The following KLHL24 variants were observed in gnomAD, a reference collection of about 807,000 sequenced individuals.
KLHL24 encodes the protein kelch like family member 24, also known as kelch-like protein 24.
A neutral mutation model predicts 53.4 loss-of-function variants in KLHL24; 29 were observed. The observed-to-expected ratio is 0.54, with a 90% CI of 0.40 to 0.74. The LOEUF is 0.74. KLHL24 is among the 30% of genes least tolerant of loss of function. The probability of loss-of-function intolerance (pLI) is 0.00; values close to 1 mark genes in which losing one functional copy is unlikely to be tolerated. For missense variants in KLHL24, 504 were observed against 744.0 expected (o/e 0.68, Z 3.75); for synonymous variants, 222 against 253.7 (o/e 0.88, Z 1.19).
At chr3:183,636,663 G>A (rs1308249154) in intron 1 of KLHL24, 1 of 152,426 alleles carries the variant, frequency 6.6e-6, no homozygotes, top group Non-Finnish European at 1.5e-5. Context: ...GTACCCGAGG[G>A]AGAGTTCGAG....
rs1348545765 is a variant in KLHL24, at chr3:183,672,309, A to G, written c.1427A>G (p.Asp476Gly). ...NTCSDKVQSY[D>G]PETNSWLLRA... ...ATATGTTATTAGGTTCAATCTTATG[A>G]TCCAGAAACCAATTCTTGGCTACTT... Residue 476 changes from aspartate (D) to glycine (G), a missense_variant, in exon 7 of 8, where the codon GAT becomes GGT. Coordinates refer to ENST00000242810, the MANE Select transcript of KLHL24 (RefSeq NM_017644.3). 4 of 1,584,592 alleles carry G rather than the reference A, an allele frequency of 2.5e-6. No homozygotes were observed. Among genetic ancestry groups the G allele is most frequent in the African/African-American group, 1.3e-5 (1 of 74,296 alleles).
chr3:183,668,533 G>A (rs945520781), intron 5 of KLHL24, among the ~76,000 whole-genome samples: 9 of 152,178 alleles, frequency 5.9e-5, no homozygotes, highest in African/African-American at 2.2e-4. Context: ...GGAAACCTGG[G>A]ATGGTTTAGA....
At chr3:183,637,301 C>CTT (rs1715460923) in intron 1 of KLHL24, among the ~76,000 whole-genome samples, 1 of 152,126 alleles carries the variant, frequency 6.6e-6, no homozygotes, top group African/African-American at 2.4e-5. Flanking sequence ...GATTTAAAAG[C>CTT]AGATTTCTAC....
In KLHL24 at chr3:183,650,769, A is replaced by G. The variant is rs1718007972; in HGVS notation, c.413A>G (p.Tyr138Cys). The change falls in exon 3 of 8, where the codon TAT (tyrosine) becomes TGT (cysteine). Residue 138 changes from tyrosine (Y) to cysteine (C), a missense_variant. By Grantham distance (194) the Tyr-to-Cys change is radical. Coordinates refer to ENST00000242810, the MANE Select transcript of KLHL24 (RefSeq NM_017644.3). The surrounding 1 kb of genome is among the most constrained non-coding windows in gnomAD (Gnocchi z 4.5). ...KVKITTENVQYLFETSSLFQI... is the reference protein window; with the variant it reads ...KVKITTENVQCLFETSSLFQI... ...AAGATCACTACAGAGAATGTACAGT[A>G]TCTCTTTGAGACATCAAGCCTCTTT... 1 of 1,613,942 alleles carries G rather than the reference A, an allele frequency of 6.2e-7. No individual in the cohort carries two copies. The highest frequency in any genetic ancestry group is 8.5e-7 in the Non-Finnish European group (1 of 1,179,868).
At chr3:183,635,856 G>C (rs1715029228) in intron 1 of KLHL24, 63 bp downstream of exon 1, 1 of 152,528 alleles carries the variant, frequency 6.6e-6, no homozygotes, top group African/African-American at 2.4e-5. Context: ...GGGTGTCTGC[G>C]GGAGGGCAGC....
At chr3:183,672,694 G>A (rs1230992518) in intron 7 of KLHL24, 6 of 284,514 alleles carry the variant, frequency 2.1e-5, no homozygotes, top group African/African-American at 8.8e-5. Context: ...GTGAAACCCC[G>A]TCTCTACTAA....
intron 3 of KLHL24, among the ~76,000 whole-genome samples, chr3:183,658,712 A>G (rs557806718): frequency 1.3e-5 from 2 of 152,306 alleles, no homozygotes; most frequent in South Asian, 2.1e-4. Context: ...TCCTTTGCCA[A>G]TATAATTTGT....
At chr3:183,672,733 G>T in intron 7 of KLHL24, 1 of 207,134 alleles carries the variant, frequency 4.8e-6, no homozygotes. Context: ...GGTGGTTCAT[G>T]CCTGTAATCC....
chr3:183,666,858 GC>G (rs1479694018), intron 5 of KLHL24, among the ~76,000 whole-genome samples: 2 of 152,012 alleles, frequency 1.3e-5, no homozygotes, highest in Admixed American at 6.6e-5. Flanking sequence ...GCTTCTCCCT[GC>G]CCCCATCTCC....
At chr3:183,661,611 CTTTA>C (rs1391574651) in intron 3 of KLHL24, among the ~76,000 whole-genome samples, 2 of 152,186 alleles carry the variant, frequency 1.3e-5, no homozygotes. Context: ...TGAAGTTACC[CTTTA>C]TTTATTGGTA....
At chr3:183,644,174 C>A (rs1237434218) in intron 2 of KLHL24, 1 of 149,636 alleles carries the variant, frequency 6.7e-6, no homozygotes, top group Non-Finnish European at 1.5e-5. Context: ...TCAAGTGATT[C>A]TCCTGCCTCA....
At position 183,671,048 on chromosome 3, in the gene KLHL24, T is replaced by C; in HGVS notation, c.1239T>C (p.Gly413=). The C allele has an allele frequency of 6.2e-7, 1 of 1,613,088 alleles. No individual in the cohort carries two copies. The highest frequency in any genetic ancestry group is 1.7e-5 in the Admixed American group (1 of 59,956). The stretch of plus-strand genomic sequence containing the variant: ...TTTACATATAGGTATATGTTGTCGG[T>C]GGCTATGATGGGCAAAACAGACTTA... ...AVLLGKVYVV[G]GYDGQNRLSS... Residue 413 remains glycine (G), a synonymous_variant, in exon 6 of 8, where the codon GGT becomes GGC. Transcript: ENST00000242810.
intron 7 of KLHL24, among the ~76,000 whole-genome samples, chr3:183,675,613 G>A (rs1238709744): frequency 2.0e-5 from 3 of 151,992 alleles, no homozygotes; most frequent in Non-Finnish European, 2.9e-5. Context: ...AGTGAAGATT[G>A]TAAAGAATGA....
At position 183,650,297 on chromosome 3, in the gene KLHL24, C is replaced by G; in HGVS notation, c.-60C>G. On this transcript the variant is annotated splice_region_variant and 5_prime_UTR_variant, in exon 3 of 8. Transcript: ENST00000242810. The surrounding 1 kb of genome is among the most constrained non-coding windows in gnomAD (Gnocchi z 4.5). ...ATGTTTTCCTTTTTTTACTTTTAGC[C>G]ACATAAAGAAGATCCCTAATAGTCA... 1 of 1,330,292 alleles carries G rather than the reference C, an allele frequency of 7.5e-7. No homozygotes were observed. The highest frequency in any genetic ancestry group is 2.4e-5 in the East Asian group (1 of 42,488). 82.4% of individuals were successfully genotyped at this position (1,330,292 alleles called of 1,614,324 possible). A position where few individuals can be genotyped will look rare whatever the true frequency, so the allele number is the denominator to read the frequency against.
intron 3 of KLHL24, among the ~76,000 whole-genome samples, chr3:183,655,758 A>G (rs1490534211): frequency 6.6e-6 from 1 of 151,986 alleles, no homozygotes; most frequent in East Asian, 1.9e-4. Flanking sequence ...CCCCATCTCT[A>G]CTAAAATGCA....
At chr3:183,668,646 C>A (rs1201513624) in intron 5 of KLHL24, among the ~76,000 whole-genome samples, 1 of 152,188 alleles carries the variant, frequency 6.6e-6, no homozygotes, top group Non-Finnish European at 1.5e-5. Context: ...GTGGCTCACG[C>A]CTGTAATCCC....
chr3:183,667,442 T>C (rs1720729946), intron 5 of KLHL24, among the ~76,000 whole-genome samples: 1 of 152,160 alleles, frequency 6.6e-6, no homozygotes, highest in African/African-American at 2.4e-5. Context: ...CTTTACCGCC[T>C]CAACTCCACC....
chr3:183,647,775 A>C (rs1717516465), intron 2 of KLHL24, among the ~76,000 whole-genome samples: 1 of 152,192 alleles, frequency 6.6e-6, no homozygotes, highest in Non-Finnish European at 1.5e-5. Context: ...AGGCCAAGGC[A>C]GGAGAATTGC....
chr3:183,640,600 CTTTTTT>C (rs761361160), intron 1 of KLHL24, among the ~76,000 whole-genome samples: 1 of 61,668 alleles, frequency 1.6e-5, no homozygotes, highest in African/African-American at 9.3e-5. Flanking sequence ...TTTCTTTTTT[CTTTTTT>C]TTTTTTTTTT....
Sources: allele counts gnomAD v4.1 joint callset (sites outside exome capture counted in the v4.1 genomes callset), GRCh38; gene constraint gnomAD v4.1.1; non-coding constraint Gnocchi (gnomAD v3.1); transcripts MANE v1.5; gene names NCBI Gene and HGNC (gene_info 2026-07-23, HGNC 2026-07-21).